The following IGF2R variants were observed in gnomAD, a reference collection of about 807,000 sequenced individuals.
The protein encoded by IGF2R is cation-independent mannose-6-phosphate receptor.
A neutral mutation model predicts 270.6 loss-of-function variants in IGF2R; 91 were observed. The observed-to-expected ratio is 0.34, with a 90% CI of 0.28 to 0.40. The LOEUF is 0.40. Ranked by LOEUF, IGF2R falls within the 10% of genes least tolerant of loss-of-function variation. The pLI, the probability that IGF2R is intolerant of heterozygous loss-of-function variation, is 1.00. For synonymous variants in IGF2R, 1,316 were observed against 1,258.9 expected (o/e 1.05, Z -0.96); for missense variants, 2,805 against 3,188.3 (o/e 0.88, Z 2.90).
In IGF2R at chr6:160,108,143, G is replaced by C. The variant is rs1779662235; in HGVS notation, c.*3059G>C. ...TGACTCTGAAGAATCCCATGGCTCA[G>C]GGAGGTACACTCATGTCCTTTCTTA... On this transcript the variant is annotated 3_prime_UTR_variant, in exon 48 of 48. Transcript: ENST00000356956. 6.6e-6 allele frequency: 1 copy of C among 152,288 alleles called. No individual in the cohort carries two copies. Among genetic ancestry groups the C allele is most frequent in the South Asian group, 2.1e-4 (1 of 4,828 alleles). The allele number at this position is 152,288 out of a possible 1,614,324, so 9.4% of individuals were successfully genotyped here.
intron 47 of IGF2R, 151 bp from the exon 48 acceptor site, chr6:160,104,523 C>T: frequency 1.3e-6 from 1 of 760,104 alleles, no homozygotes; most frequent in African/African-American, 1.8e-5. Context: ...TCTTCCTTTC[C>T]CTGGGAACTG....
At chr6:160,030,014 T>C (rs1480900212) in intron 7 of IGF2R, among the ~76,000 whole-genome samples, 1 of 152,130 alleles carries the variant, frequency 6.6e-6, no homozygotes, top group African/African-American at 2.4e-5. Context: ...AAAAACGAAG[T>C]AGAATTTCAA....
chr6:160,027,164 A>C (rs1777579134), intron 5 of IGF2R, 21 bp from the exon 6 acceptor site: 6 of 1,613,772 alleles, frequency 3.7e-6, no homozygotes, highest in Non-Finnish European at 5.1e-6. Context: ...AATCTGATTT[A>C]ATGTAATACA....
At chr6:160,074,993 G>A (rs1778824080) in intron 35 of IGF2R, among the ~76,000 whole-genome samples, 1 of 152,188 alleles carries the variant, frequency 6.6e-6, no homozygotes, top group Non-Finnish European at 1.5e-5. Context: ...GATGTAGAAA[G>A]TTATTTAACT....
rs557386261 is a variant in IGF2R, at chr6:160,076,783, T to C, written c.5316+787T>C. 2.6e-5 allele frequency among the ~76,000 whole-genome samples: 4 copies of C among 152,330 alleles called. No individual in the cohort carries two copies. In the South Asian group the frequency reaches 8.3e-4, roughly 32 times the overall value. On this transcript the variant is annotated intron_variant, in intron 36 of 47. Transcript: ENST00000356956. ...ATTTATGGTGTGGATTTGTCCCACC[T>C]AATGTGGATATTGATACATCTAGCT...
intron 6 of IGF2R, among the ~76,000 whole-genome samples, chr6:160,028,874 CT>C (rs374939595): frequency 1.3e-3 from 193 of 149,254 alleles, no homozygotes; most frequent in African/African-American, 4.5e-3. Context: ...CCGTTTTTTG[CT>C]TGTTTTAGTC....
At position 160,080,273 on chromosome 6, in the gene IGF2R, A is replaced by C. The variant is rs781627472; in HGVS notation, c.5831A>C (p.His1944Pro). 5 of 1,613,796 alleles carry C rather than the reference A, an allele frequency of 3.1e-6. No homozygotes were observed. In the South Asian group the frequency reaches 5.5e-5, roughly 18 times the overall value. Reference sequence around the variant, plus strand: ...GACCACGAGTGGGGCTTCTGCAGACACTGTGAGTAGGACGGCTCCGCGTCC... The same window carrying C: ...GACCACGAGTGGGGCTTCTGCAGACCCTGTGAGTAGGACGGCTCCGCGTCC... ...DRDHEWGFCR[H>P]SNSYRTSSII... Residue 1944 changes from histidine to proline, a missense_variant and splice_region_variant, in exon 39 of 48, where the codon CAC becomes CCC. Around this residue, in one of 2 missense-constraint regions of IGF2R, gnomAD observed 1,851 missense variants for 2,207.2 expected, o/e 0.84. Transcript: ENST00000356956.
At chr6:160,003,910 C>T (rs941918910) in intron 2 of IGF2R, 23 of 145,834 alleles carry the variant, frequency 1.6e-4, no homozygotes, top group African/African-American at 4.3e-4. Flanking sequence ...GAATGTGACA[C>T]GTAAGTAAAG....
intron 19 of IGF2R, among the ~76,000 whole-genome samples, chr6:160,051,367 A>G (rs2115252292): frequency 6.6e-6 from 1 of 152,286 alleles, no homozygotes; most frequent in Admixed American, 6.5e-5. Context: ...TTTGTGGGAT[A>G]GATAATGAGA....
At chr6:159,970,592 T>G (rs1297017424) in intron 1 of IGF2R, among the ~76,000 whole-genome samples, 1 of 152,162 alleles carries the variant, frequency 6.6e-6, no homozygotes, top group African/African-American at 2.4e-5. Flanking sequence ...ATGCTCCCTT[T>G]TTTGGAAGGG....
chr6:160,047,220 A>C lies in IGF2R; in HGVS notation c.2113A>C (p.Ile705Leu). ...GAAGCTTTCATATTATGATGGGATG[A>C]TCCAACTGAACTACAGAGGCGGCAC... ...NAKLSYYDGMIQLNYRGGTPY... is the reference protein window; with the variant it reads ...NAKLSYYDGMLQLNYRGGTPY... The change falls in exon 16 of 48, where the codon ATC (isoleucine) becomes CTC (leucine). Residue 705 changes from isoleucine to leucine, a missense_variant. Coordinates refer to ENST00000356956, the MANE Select transcript of IGF2R (RefSeq NM_000876.4). 2 of 1,614,116 alleles carry C rather than the reference A, an allele frequency of 1.2e-6. No individual in the cohort carries two copies. Among genetic ancestry groups the C allele is most frequent in the Non-Finnish European group, 1.7e-6 (2 of 1,179,996 alleles).
intron 4 of IGF2R, among the ~76,000 whole-genome samples, chr6:160,012,610 G>A (rs143766154): frequency 6.6e-6 from 1 of 151,556 alleles, no homozygotes; most frequent in African/African-American, 2.4e-5. Context: ...AGGGGGTGAT[G>A]GAATCTGCCC....
rs572701664 is a variant in IGF2R at position 160,103,555 on chromosome 6, A to G, written c.6996-191A>G. On this transcript the variant is annotated intron_variant, in intron 46 of 47. Transcript: ENST00000356956. ...GGATTCCAAAGCCCATCTTCTTTCC[A>G]CTCAATCACAACAAATACATTAGGG... Among the ~76,000 whole-genome samples the G allele has an allele frequency of 1.1e-4, 17 of 151,916 alleles. 1 individual carries two copies. The East Asian group carries it at 3.1e-3, about 28-fold the overall frequency.
At chr6:160,009,460 A>T (rs556029173) in intron 3 of IGF2R, among the ~76,000 whole-genome samples, 1 of 152,114 alleles carries the variant, frequency 6.6e-6, no homozygotes, top group Admixed American at 6.5e-5. Flanking sequence ...CTAGCATTTC[A>T]TTTTGATAGG....
In IGF2R at chr6:160,075,859, G is replaced by A; in HGVS notation, c.5179G>A (p.Val1727Ile). ...GCTCTTTGTTTAGGATATCGGCCGG[G>A]TAGCAGGACCACCAATACTCAATCC... ...IDGPPIDIGRVAGPPILNPIA... is the reference protein window; with the variant it reads ...IDGPPIDIGRIAGPPILNPIA... The change falls in exon 36 of 48, where the codon GTA becomes ATA. Residue 1727 changes from valine (V) to isoleucine (I), a missense_variant. Physicochemically the swap from Val to Ile is conservative, Grantham distance 29. Coordinates refer to ENST00000356956, the MANE Select transcript of IGF2R (RefSeq NM_000876.4). 6.2e-7 allele frequency: 1 copy of A among 1,613,726 alleles called. No individual in the cohort carries two copies. The highest frequency in any genetic ancestry group is 8.5e-7 in the Non-Finnish European group (1 of 1,179,692).
Position 160,084,251 on chromosome 6 carries a change from A to G in IGF2R, c.6068+67A>G. On this transcript the variant is annotated intron_variant, in intron 40 of 47. Coordinates refer to ENST00000356956, the MANE Select transcript of IGF2R (RefSeq NM_000876.4). The surrounding 1 kb of genome is among the most constrained non-coding windows in gnomAD (Gnocchi z 4.6). ...CATGTGAACTTCAGACTGCTTGACG[A>G]TGGTTGGCTCTTTTGGGTTCTCAAG... is the stretch of plus-strand genomic sequence containing the variant. 1 of 957,582 alleles carries G rather than the reference A, an allele frequency of 1.0e-6. No individual in the cohort carries two copies. The highest frequency in any genetic ancestry group is 1.7e-6 in the Non-Finnish European group (1 of 599,646). The allele number at this position is 957,582 out of a possible 1,614,324, so 59.3% of individuals were successfully genotyped here.
intron 4 of IGF2R, among the ~76,000 whole-genome samples, chr6:160,022,295 C>G (rs1337567376): frequency 6.6e-6 from 1 of 152,140 alleles, no homozygotes; most frequent in Admixed American, 6.5e-5. Flanking sequence ...CTAATGGGTA[C>G]AATGTACAGT....
chr6:159,994,563 T>C (rs1175081534), intron 2 of IGF2R, among the ~76,000 whole-genome samples: 1 of 152,136 alleles, frequency 6.6e-6, no homozygotes, highest in African/African-American at 2.4e-5. Context: ...ATCTTTATTT[T>C]TGATGTAGGC....
Position 160,102,738 on chromosome 6 carries a change from G to A in IGF2R, c.6995+67G>A, listed in dbSNP as rs1583308948. ...CCTCCCATAGCTAATCTTGGGGTCA[G>A]TTTTGTGGGGTTTTATTTATTTGTT... On this transcript the variant is annotated intron_variant, in intron 46 of 47. Transcript: ENST00000356956. The surrounding 1 kb of genome is among the most constrained non-coding windows in gnomAD (Gnocchi z 4.5). The A allele has an allele frequency of 6.8e-7, 1 of 1,475,272 alleles. No homozygotes were observed. The highest frequency in any genetic ancestry group is 9.2e-7 in the Non-Finnish European group (1 of 1,092,298). 91.4% of individuals were successfully genotyped at this position (1,475,272 alleles called of 1,614,324 possible). A position where few individuals can be genotyped will look rare whatever the true frequency, so the allele number is the denominator to read the frequency against.
Sources: gnomAD v4.1 joint callset for allele counts (sites outside exome capture counted in the v4.1 genomes callset) on GRCh38, gnomAD v4.1.1 for gene constraint, gnomAD v4.1.1 regional missense constraint, Gnocchi (gnomAD v3.1) non-coding constraint, MANE v1.5 for transcripts, NCBI Gene and HGNC (gene_info 2026-07-23, HGNC 2026-07-21) for gene names.